GRM7: variants seen among roughly 807,000 people sequenced by gnomAD.
GRM7 encodes the protein metabotropic glutamate receptor 7.
In GRM7, 35 loss-of-function variants were observed where a neutral mutation model predicts 84.5. The observed-to-expected ratio is 0.41, with a 90% CI of 0.32 to 0.55. The LOEUF (loss-of-function observed/expected upper bound fraction) is 0.55. Among genes scored for constraint, GRM7 ranks in the 20% least tolerant of loss-of-function variants. GRM7 has a pLI of 0.19. For missense variants in GRM7, 1,003 were observed against 1,194.6 expected, an observed-to-expected ratio of 0.84 and a Z score of 2.36; for synonymous variants, 487 against 455.1, an observed-to-expected ratio of 1.07 and a Z score of -0.89.
At chr3:7,511,076 G>A (rs951156933) in intron 7 of GRM7, among the ~76,000 whole-genome samples, 3 of 152,134 alleles carry the variant, frequency 2.0e-5, no homozygotes, top group Non-Finnish European at 2.9e-5. Flanking sequence ...TAGCAGAAAG[G>A]AAGAGACAAT....
At chr3:7,178,323 C>T (rs991248778) in intron 2 of GRM7, among the ~76,000 whole-genome samples, 7 of 151,912 alleles carry the variant, frequency 4.6e-5, no homozygotes, top group Non-Finnish European at 1.0e-4. Context: ...TTCTGCCACT[C>T]TCTTCCTGAC....
intron 4 of GRM7, among the ~76,000 whole-genome samples, chr3:7,335,585 C>T (rs963656209): frequency 2.4e-4 from 37 of 151,292 alleles, no homozygotes; most frequent in African/African-American, 8.5e-4. Flanking sequence ...GAAATTGAAA[C>T]AAAAAAATAC....
intron 9 of GRM7, among the ~76,000 whole-genome samples, chr3:7,684,750 G>A (rs978918200): frequency 2.2e-4 from 33 of 152,106 alleles, no homozygotes; most frequent in Middle Eastern, 3.4e-3. Context: ...ATTTATCTGC[G>A]CACTGCTGGC....
intron 4 of GRM7, among the ~76,000 whole-genome samples, chr3:7,333,055 C>G (rs1210155868): frequency 2.6e-5 from 4 of 152,108 alleles, no homozygotes; most frequent in Non-Finnish European, 4.4e-5. Flanking sequence ...TCAATCAAGT[C>G]AAGCCATTAT....
At chr3:7,499,598 A>C (rs1340948522) in intron 7 of GRM7, among the ~76,000 whole-genome samples, 1 of 152,162 alleles carries the variant, frequency 6.6e-6, no homozygotes, top group African/African-American at 2.4e-5. Flanking sequence ...ACTTATTTTC[A>C]GATGAGGAAA....
At chr3:7,402,725 T>C (rs1187500500) in intron 4 of GRM7, among the ~76,000 whole-genome samples, 1 of 152,128 alleles carries the variant, frequency 6.6e-6, no homozygotes, top group African/African-American at 2.4e-5. Flanking sequence ...CTTCTTTTGA[T>C]TTATATTTTC....
chr3:7,015,351 C>T (rs1695526541), intron 1 of GRM7, among the ~76,000 whole-genome samples: 1 of 152,048 alleles, frequency 6.6e-6, no homozygotes, highest in Non-Finnish European at 1.5e-5. Context: ...AGTGGGATAT[C>T]GATAGATACT....
chr3:7,707,939 T>C (rs1233736098), intron 9 of GRM7, among the ~76,000 whole-genome samples: 1 of 151,160 alleles, frequency 6.6e-6, no homozygotes, highest in African/African-American at 2.4e-5. Context: ...AATTTTTTTT[T>C]TTTTTTTTTT....
At chr3:7,446,969 G>A (rs3804970) in intron 5 of GRM7, among the ~76,000 whole-genome samples, 54,752 of 151,872 alleles carry the variant, frequency 0.36, 11,147 homozygotes, top group Non-Finnish European at 0.48. Context: ...AGAATTTATG[G>A]GTTATTCTTG....
intron 8 of GRM7, among the ~76,000 whole-genome samples, chr3:7,580,153 A>G (rs1230537038): frequency 2.0e-5 from 3 of 152,248 alleles, no homozygotes; most frequent in African/African-American, 7.2e-5. Flanking sequence ...GATTCTAGAC[A>G]TGATTCTTAT....
intron 4 of GRM7, among the ~76,000 whole-genome samples, chr3:7,392,177 GTC>G (rs1019447848): frequency 6.6e-6 from 1 of 152,126 alleles, no homozygotes; most frequent in African/African-American, 2.4e-5. Flanking sequence ...GGTGGGCACT[GTC>G]CCCCAACTGA....
At chr3:7,175,994 CAT>C (rs1695132809) in intron 2 of GRM7, among the ~76,000 whole-genome samples, 1 of 151,992 alleles carries the variant, frequency 6.6e-6, no homozygotes, top group African/African-American at 2.4e-5. Flanking sequence ...TTAAAGAGCT[CAT>C]ACCACCTGCA....
chr3:7,129,338 A>C (rs185233914), intron 1 of GRM7, among the ~76,000 whole-genome samples: 67 of 152,334 alleles, frequency 4.4e-4, no homozygotes, highest in African/African-American at 1.6e-3. Flanking sequence ...TCTAGCCTAA[A>C]GCTGCACATG....
rs187854615 is a variant in GRM7 at position 7,359,420 on chromosome 3, C to T, written c.1033+52768C>T. On this transcript the variant is annotated intron_variant, in intron 4 of 9. Transcript: ENST00000357716. ...CACAATTTCGGCTCACTGCAACCTC[C>T]GTCTTCTGGGTTCAAGCGATTCTCC... 1.0e-3 allele frequency among the ~76,000 whole-genome samples: 149 copies of T among 142,628 alleles called. 13 individuals are homozygous for T. The highest frequency in any genetic ancestry group is 3.8e-3 in the African/African-American group (141 of 36,676). The allele number at this position is 142,628 out of a possible 152,430, so 93.6% of individuals were successfully genotyped here. A position where few individuals can be genotyped will look rare whatever the true frequency, so the allele number is the denominator to read the frequency against.
At chr3:7,724,543 T>C (rs1575671779) in intron 9 of GRM7, among the ~76,000 whole-genome samples, 1 of 152,184 alleles carries the variant, frequency 6.6e-6, no homozygotes, top group Non-Finnish European at 1.5e-5. Flanking sequence ...TCAGAGGCTG[T>C]TCCTACTCAT....
intron 4 of GRM7, among the ~76,000 whole-genome samples, chr3:7,339,308 T>C (rs1479958836): frequency 6.6e-6 from 1 of 152,106 alleles, no homozygotes; most frequent in Non-Finnish European, 1.5e-5. Flanking sequence ...AGCTCTTTTG[T>C]TTCATTGCTG....
At chr3:7,098,924 C>A (rs1430851284) in intron 1 of GRM7, among the ~76,000 whole-genome samples, 1 of 151,866 alleles carries the variant, frequency 6.6e-6, no homozygotes, top group African/African-American at 2.4e-5. Flanking sequence ...CACAAGCATA[C>A]TTTAGTGGCT....
intron 4 of GRM7, among the ~76,000 whole-genome samples, chr3:7,401,297 C>G (rs1364557625): frequency 6.6e-6 from 1 of 152,128 alleles, no homozygotes; most frequent in African/African-American, 2.4e-5. Context: ...TCATCTGGCA[C>G]TCAGAGTGCT....
At chr3:6,930,064 A>C (rs1239632610) in intron 1 of GRM7, among the ~76,000 whole-genome samples, 5 of 152,204 alleles carry the variant, frequency 3.3e-5, no homozygotes, top group South Asian at 2.1e-4. Flanking sequence ...AAAATGATAC[A>C]TGTTCTGGAG....
Sources: gnomAD v4.1 joint callset for allele counts (sites outside exome capture counted in the v4.1 genomes callset) on GRCh38, gnomAD v4.1.1 for gene constraint, MANE v1.5 for transcripts, NCBI Gene and HGNC (gene_info 2026-07-23, HGNC 2026-07-21) for gene names.